The following SOBP variants were observed in gnomAD, a reference collection of about 807,000 sequenced individuals.
SOBP encodes sine oculis binding protein homolog, also known as sine oculis-binding protein homolog.
A neutral mutation model predicts 53.6 loss-of-function variants in SOBP; 4 were observed. That is an observed-to-expected ratio of 0.07 (90% CI 0.04 to 0.17). SOBP has a LOEUF of 0.17. Among genes scored for constraint, SOBP ranks in the 10% least tolerant of loss-of-function variants. The probability of loss-of-function intolerance (pLI) is 1.00; values close to 1 mark genes in which losing one functional copy is unlikely to be tolerated. For synonymous variants in SOBP, 584 were observed against 522.6 expected, an observed-to-expected ratio of 1.12 and a Z score of -1.60; for missense variants, 1,088 against 1,204.7, an observed-to-expected ratio of 0.90 and a Z score of 1.43.
intron 6 of SOBP, among the ~76,000 whole-genome samples, chr6:107,648,504 G>C (rs1330380354): frequency 6.6e-6 from 1 of 151,914 alleles, no homozygotes; most frequent in East Asian, 1.9e-4. Context: ...TTCGTGTGTT[G>C]GATGAGACTT....
rs1166860029 is a variant in SOBP, at chr6:107,661,007, GC to G, written c.*2806del. ...CCGAGGCAAGCCCAGCCAAGGACGT[GC>G]CAGCGGCCGAGGCACCCGGCTGTGG... On this transcript the variant is annotated 3_prime_UTR_variant, in exon 7 of 7. Coordinates refer to ENST00000317357, the MANE Select transcript of SOBP (RefSeq NM_018013.4). Among the ~76,000 whole-genome samples, 2 of 152,192 alleles carry G rather than the reference GC, an allele frequency of 1.3e-5. No individual in the cohort carries two copies. The highest frequency in any genetic ancestry group is 4.8e-5 in the African/African-American group (2 of 41,442).
In SOBP at chr6:107,547,293, C is replaced by T. The variant is rs79923993; in HGVS notation, c.573+13683C>T. 5.4e-3 allele frequency among the ~76,000 whole-genome samples: 819 copies of T among 152,286 alleles called. 60 individuals carry two copies. The East Asian group carries it at 0.14, about 26-fold the overall frequency. Reference sequence around the variant, plus strand: ...GCATCCCCAGAGAGGAGAACTTGGTCCCATCTGTAGGGGGCTCATTGTGTT... The same window carrying T: ...GCATCCCCAGAGAGGAGAACTTGGTTCCATCTGTAGGGGGCTCATTGTGTT... On this transcript the variant is annotated intron_variant, in intron 4 of 6. Transcript: ENST00000317357.
chr6:107,508,708 G>T (rs1314967360), intron 3 of SOBP, among the ~76,000 whole-genome samples: 6 of 152,168 alleles, frequency 3.9e-5, no homozygotes, highest in Non-Finnish European at 8.8e-5. Flanking sequence ...ATCATATAAA[G>T]TTTGCCTTAT....
chr6:107,632,103 T>C (rs1770739917), intron 5 of SOBP, among the ~76,000 whole-genome samples: 1 of 152,212 alleles, frequency 6.6e-6, no homozygotes, highest in Non-Finnish European at 1.5e-5. Context: ...AAATTTATCA[T>C]CTTTTAATTA....
chr6:107,607,265 C>G (rs1786419664), intron 5 of SOBP, among the ~76,000 whole-genome samples: 1 of 152,166 alleles, frequency 6.6e-6, no homozygotes, highest in South Asian at 2.1e-4. Context: ...TGTCCTGATT[C>G]TTTTCAGGCA....
At chr6:107,577,688 A>G (rs893221854) in intron 4 of SOBP, among the ~76,000 whole-genome samples, 1 of 152,146 alleles carries the variant, frequency 6.6e-6, no homozygotes, top group African/African-American at 2.4e-5. Context: ...TGCAGAACTG[A>G]GTGAGTTTGG....
At chr6:107,626,269 T>A (rs140454741) in intron 5 of SOBP, among the ~76,000 whole-genome samples, 2 of 152,320 alleles carry the variant, frequency 1.3e-5, no homozygotes, top group East Asian at 3.9e-4. Flanking sequence ...AGAACAAATC[T>A]GTTGATAGAG....
At chr6:107,572,641 T>C (rs906465810) in intron 4 of SOBP, among the ~76,000 whole-genome samples, 2 of 152,174 alleles carry the variant, frequency 1.3e-5, no homozygotes, top group African/African-American at 4.8e-5. Context: ...GAGCCAAATA[T>C]CAGATTGTTC....
At chr6:107,517,880 T>A (rs1259589258) in intron 3 of SOBP, among the ~76,000 whole-genome samples, 1 of 152,198 alleles carries the variant, frequency 6.6e-6, no homozygotes, top group East Asian at 1.9e-4. Flanking sequence ...ATTAAGAATG[T>A]TTGCTGATTT....
chr6:107,634,540 G>T lies in SOBP; in HGVS notation c.1696G>T (p.Ala566Ser). 2 of 1,609,648 alleles carry T rather than the reference G, an allele frequency of 1.2e-6. No homozygotes were observed. Among genetic ancestry groups the T allele is most frequent in the Non-Finnish European group, 1.7e-6 (2 of 1,179,852 alleles). Residue 566 changes from alanine (A) to serine (S), a missense_variant, in exon 6 of 7, where the codon GCC becomes TCC. By Grantham distance (99) the Ala-to-Ser change is moderately conservative. Around this residue, in one of 6 missense-constraint regions of SOBP, gnomAD observed 665 missense variants for 629.7 expected, o/e 1.06. Coordinates refer to ENST00000317357, the MANE Select transcript of SOBP (RefSeq NM_018013.4). The surrounding 1 kb of genome is among the most constrained non-coding windows in gnomAD (Gnocchi z 4.5). ...CAACGGGGAGAACTTCATTCCGAACGCCCCTGGCGACTCCGCGGCGGCGGG... is the reference window on the plus strand; with the variant it reads ...CAACGGGGAGAACTTCATTCCGAACTCCCCTGGCGACTCCGCGGCGGCGGG... ...SSNGENFIPN[A>S]PGDSAAAGGK...
chr6:107,505,166 T>C (rs1322195265), intron 2 of SOBP, among the ~76,000 whole-genome samples: 1 of 152,226 alleles, frequency 6.6e-6, no homozygotes, highest in African/African-American at 2.4e-5. Flanking sequence ...CATTGGTTCA[T>C]GTGATTATAT....
At chr6:107,637,626 A>G (rs950080152) in intron 6 of SOBP, among the ~76,000 whole-genome samples, 7 of 152,218 alleles carry the variant, frequency 4.6e-5, no homozygotes, top group African/African-American at 9.6e-5. Context: ...GTCAGAAAGC[A>G]TTGGGAATTG....
intron 3 of SOBP, among the ~76,000 whole-genome samples, chr6:107,506,843 G>A (rs907805756): frequency 4.6e-5 from 7 of 151,940 alleles, no homozygotes; most frequent in African/African-American, 1.5e-4. Flanking sequence ...ATCACCTGAG[G>A]TCAGGAGTTT....
intron 5 of SOBP, among the ~76,000 whole-genome samples, chr6:107,614,407 A>C (rs1467162612): frequency 1.3e-5 from 2 of 152,188 alleles, no homozygotes; most frequent in Admixed American, 1.3e-4. Flanking sequence ...GAGTAACTGA[A>C]GATGTTACCC....
At chr6:107,554,129 C>A (rs1784541808) in intron 4 of SOBP, among the ~76,000 whole-genome samples, 1 of 152,168 alleles carries the variant, frequency 6.6e-6, no homozygotes, top group Non-Finnish European at 1.5e-5. Context: ...GTATGCCTCC[C>A]AGCAGATTTT....
At chr6:107,580,022 G>A (rs568892352) in intron 4 of SOBP, among the ~76,000 whole-genome samples, 95 of 152,300 alleles carry the variant, frequency 6.2e-4, no homozygotes, top group African/African-American at 2.2e-3. Flanking sequence ...AATACATTTG[G>A]TTAAAAGAAC....
intron 5 of SOBP, among the ~76,000 whole-genome samples, chr6:107,595,875 G>C (rs1467253707): frequency 6.6e-6 from 1 of 152,152 alleles, no homozygotes. Flanking sequence ...TAGCAGCCCA[G>C]GTTAAGCTTC....
intron 5 of SOBP, among the ~76,000 whole-genome samples, chr6:107,629,371 G>A (rs749332949): frequency 7.9e-5 from 12 of 151,962 alleles, no homozygotes; most frequent in Non-Finnish European, 1.5e-4. Context: ...TTCCATTAAA[G>A]GCTGAACTTT....
At chr6:107,494,898 C>T (rs1197417554) in intron 1 of SOBP, among the ~76,000 whole-genome samples, 1 of 152,002 alleles carries the variant, frequency 6.6e-6, no homozygotes, top group Non-Finnish European at 1.5e-5. Context: ...GTGTCAATTG[C>T]ACAGACAATA....
Sources: allele counts gnomAD v4.1 joint callset (sites outside exome capture counted in the v4.1 genomes callset), GRCh38; gene constraint gnomAD v4.1.1; regional missense constraint gnomAD v4.1.1; non-coding constraint Gnocchi (gnomAD v3.1); transcripts MANE v1.5; gene names NCBI Gene and HGNC (gene_info 2026-07-23, HGNC 2026-07-21).